The following AFF3 variants were observed in gnomAD, a reference collection of about 807,000 sequenced individuals.
AFF3 encodes AF4/FMR2 family member 3.
Under a neutral mutation model 129.7 loss-of-function variants are expected in AFF3, and 32 were observed. That is an observed-to-expected ratio of 0.25 (90% confidence interval 0.19 to 0.33). The LOEUF is 0.33. Among genes scored for constraint, AFF3 ranks in the 10% least tolerant of loss-of-function variants. The pLI, the probability that AFF3 is intolerant of heterozygous loss-of-function variation, is 1.00. For synonymous variants in AFF3, 644 were observed against 635.4 expected (o/e 1.01, Z -0.20); for missense variants, 1,373 against 1,592.0 (o/e 0.86, Z 2.34).
At chr2:99,914,953 AC>A (rs527513541) in intron 7 of AFF3, among the ~76,000 whole-genome samples, 97 of 152,062 alleles carry the variant, frequency 6.4e-4, no homozygotes, top group African/African-American at 2.3e-3. Flanking sequence ...AATAAAATAA[AC>A]ATCATGCCTG....
chr2:100,060,144 T>C (rs1345872881), intron 4 of AFF3, among the ~76,000 whole-genome samples: 1 of 152,100 alleles, frequency 6.6e-6, no homozygotes, highest in African/African-American at 2.4e-5. Flanking sequence ...GGTAATTTCA[T>C]AGGAGCTTGC....
chr2:99,963,391 T>C (rs1205123431), intron 7 of AFF3, among the ~76,000 whole-genome samples: 3 of 152,068 alleles, frequency 2.0e-5, no homozygotes, highest in Non-Finnish European at 4.4e-5. Flanking sequence ...GCAAAAATTA[T>C]TGCAGCATCT....
At chr2:100,062,222 T>C (rs569154130) in intron 4 of AFF3, among the ~76,000 whole-genome samples, 138 of 152,272 alleles carry the variant, frequency 9.1e-4, no homozygotes, top group South Asian at 1.9e-3. Context: ...AAGGCAAGGC[T>C]GCCAGAGTAA....
intron 11 of AFF3, among the ~76,000 whole-genome samples, chr2:99,714,627 G>C (rs1162061797): frequency 6.6e-6 from 1 of 152,116 alleles, no homozygotes; most frequent in African/African-American, 2.4e-5. Context: ...TATCAGGAAG[G>C]TTTCAAGTTT....
intron 4 of AFF3, among the ~76,000 whole-genome samples, chr2:100,099,172 T>C (rs1690522844): frequency 1.3e-5 from 2 of 148,568 alleles, no homozygotes; most frequent in African/African-American, 5.1e-5. Context: ...CCTTTCTTTG[T>C]ACTCTGTTTT....
chr2:100,081,455 C>T (rs1477848810), intron 4 of AFF3, among the ~76,000 whole-genome samples: 2 of 151,896 alleles, frequency 1.3e-5, no homozygotes, highest in Non-Finnish European at 2.9e-5. Flanking sequence ...ATGTCAGTGA[C>T]CACCTGCTCA....
At chr2:99,996,456 C>A (rs1201902046) in intron 7 of AFF3, among the ~76,000 whole-genome samples, 1 of 151,188 alleles carries the variant, frequency 6.6e-6, no homozygotes, top group African/African-American at 2.4e-5. Flanking sequence ...GTTGCCCAGG[C>A]TGGAGTGCAG....
chr2:99,983,038 T>C (rs1183932143), intron 7 of AFF3, among the ~76,000 whole-genome samples: 1 of 152,198 alleles, frequency 6.6e-6, no homozygotes, highest in East Asian at 1.9e-4. Context: ...CCATACATAG[T>C]TTAATAAAGA....
chr2:99,851,775 T>G (rs966752940), intron 7 of AFF3, among the ~76,000 whole-genome samples: 1 of 152,236 alleles, frequency 6.6e-6, no homozygotes, highest in Non-Finnish European at 1.5e-5. Context: ...CCTCCCACTG[T>G]ACCTCTGAGC....
intron 7 of AFF3, among the ~76,000 whole-genome samples, chr2:99,887,771 C>T (rs571184285): frequency 6.6e-6 from 1 of 152,334 alleles, no homozygotes; most frequent in African/African-American, 2.4e-5. Context: ...TCAACTCTTT[C>T]CATACATTGT....
chr2:99,782,864 T>G (rs1299159603), intron 8 of AFF3, among the ~76,000 whole-genome samples: 1 of 152,214 alleles, frequency 6.6e-6, no homozygotes, highest in African/African-American at 2.4e-5. Context: ...ATTCTTATTT[T>G]GGCACATGAG....
chr2:99,814,088 C>A (rs1253807433), intron 8 of AFF3, among the ~76,000 whole-genome samples: 1 of 152,118 alleles, frequency 6.6e-6, no homozygotes, highest in Non-Finnish European at 1.5e-5. Flanking sequence ...AGGGTTGAAG[C>A]TGAAGAGGCC....
intron 13 of AFF3, among the ~76,000 whole-genome samples, chr2:99,616,194 C>A (rs1352577506): frequency 6.6e-6 from 1 of 152,142 alleles, no homozygotes; most frequent in Non-Finnish European, 1.5e-5. Context: ...GATCCTGCCA[C>A]CCATGCACTT....
At chr2:99,600,369 A>G (rs1442890471) in intron 14 of AFF3, among the ~76,000 whole-genome samples, 6 of 152,154 alleles carry the variant, frequency 3.9e-5, no homozygotes, top group Non-Finnish European at 7.3e-5. Flanking sequence ...TAGGGAGGGG[A>G]AAAACCTGAA....
chr2:99,709,440 T>C (rs182016135), intron 11 of AFF3, among the ~76,000 whole-genome samples: 29 of 152,186 alleles, frequency 1.9e-4, no homozygotes, highest in Admixed American at 9.2e-4. Context: ...GGGGTGAAGA[T>C]CACGTGATCT....
At chr2:99,728,290 C>T (rs944270308) in intron 10 of AFF3, among the ~76,000 whole-genome samples, 2 of 152,076 alleles carry the variant, frequency 1.3e-5, no homozygotes, top group African/African-American at 4.8e-5. Flanking sequence ...GCCAATACAC[C>T]CCAGAGAAGG....
At chr2:99,793,079 T>C (rs971968756) in intron 8 of AFF3, among the ~76,000 whole-genome samples, 2 of 152,194 alleles carry the variant, frequency 1.3e-5, no homozygotes, top group Non-Finnish European at 2.9e-5. Flanking sequence ...GTGGGGCCTA[T>C]TGAGAGGTAT....
rs554593237 is a variant in AFF3, at chr2:100,096,306, CTATT to C, written c.53+8092_53+8095del. On this transcript the variant is annotated intron_variant, in intron 4 of 24. Coordinates refer to ENST00000672756, the MANE Select transcript of AFF3 (RefSeq NM_001386135.1). ...TGAGAGGCTATAAAAAGTGATTAGCCTATTTATTACAAATTGTGTTTACTTAGGT... is the reference window on the plus strand; with the variant it reads ...TGAGAGGCTATAAAAAGTGATTAGCCTATTACAAATTGTGTTTACTTAGGT... 7.7e-3 allele frequency among the ~76,000 whole-genome samples: 1,170 copies of C among 151,658 alleles called. 31 individuals are homozygous for C. Among genetic ancestry groups the C allele is most frequent in the Admixed American group, 0.055 (838 of 15,230 alleles).
chr2:100,106,689 A>T (rs1021009775), intron 2 of AFF3: 14 of 985,296 alleles, frequency 1.4e-5, no homozygotes, highest in Non-Finnish European at 1.6e-5. Context: ...CAGAAAGGAG[A>T]CCTCCCGGCC....
Sources: gnomAD v4.1 joint callset for allele counts (sites outside exome capture counted in the v4.1 genomes callset) on GRCh38, gnomAD v4.1.1 for gene constraint, MANE v1.5 for transcripts, NCBI Gene and HGNC (gene_info 2026-07-23, HGNC 2026-07-21) for gene names.